Variants in CPQ observed in about 807,000 individuals in gnomAD.
The protein encoded by CPQ is carboxypeptidase Q.
A neutral mutation model predicts 45.7 loss-of-function variants in CPQ; 37 were observed. The observed-to-expected ratio is 0.81, with a 90% confidence interval of 0.62 to 1.07. CPQ has a LOEUF of 1.07. CPQ is among the 50% of genes least tolerant of loss of function. CPQ has a pLI of 0.00. For missense variants in CPQ, 537 were observed against 572.9 expected (o/e 0.94, Z 0.64); for synonymous variants, 186 against 205.8 (o/e 0.90, Z 0.82).
At chr8:96,717,831 G>A (rs1042526491) in intron 1 of CPQ, among the ~76,000 whole-genome samples, 1 of 150,692 alleles carries the variant, frequency 6.6e-6, no homozygotes, top group African/African-American at 2.4e-5. Context: ...TTCTCTAGCT[G>A]CTGGGGTAAT....
chr8:96,687,820 A>G (rs1438196434), intron 1 of CPQ, among the ~76,000 whole-genome samples: 1 of 152,058 alleles, frequency 6.6e-6, no homozygotes, highest in African/African-American at 2.4e-5. Flanking sequence ...GTTTTATTAC[A>G]TTATGAGCAC....
At chr8:96,648,936 T>C (rs1815548005) in intron 1 of CPQ, among the ~76,000 whole-genome samples, 2 of 152,198 alleles carry the variant, frequency 1.3e-5, no homozygotes, top group Non-Finnish European at 2.9e-5. Context: ...GAATGTCATG[T>C]TATTTAAACT....
chr8:96,881,890 CT>C (rs1812228624), intron 4 of CPQ, among the ~76,000 whole-genome samples: 1 of 152,146 alleles, frequency 6.6e-6, no homozygotes, highest in South Asian at 2.1e-4. Context: ...GCAATAAACA[CT>C]TTTTATAAGG....
chr8:96,933,982 C>A (rs1813012116), intron 4 of CPQ, among the ~76,000 whole-genome samples: 1 of 152,176 alleles, frequency 6.6e-6, no homozygotes, highest in Non-Finnish European at 1.5e-5. Context: ...AAAATGTTCA[C>A]AAGGAACCTA....
intron 5 of CPQ, among the ~76,000 whole-genome samples, chr8:96,997,935 A>C (rs1809204551): frequency 6.6e-6 from 1 of 152,012 alleles, no homozygotes; most frequent in Non-Finnish European, 1.5e-5. Flanking sequence ...CTTTTAAAAA[A>C]TTCAGCATTT....
chr8:96,767,986 A>G (rs1810491249), intron 1 of CPQ, among the ~76,000 whole-genome samples: 1 of 152,018 alleles, frequency 6.6e-6, no homozygotes, highest in East Asian at 1.9e-4. Context: ...TCTCACCTCC[A>G]GCCTGGGATG....
intron 7 of CPQ, among the ~76,000 whole-genome samples, chr8:97,139,493 C>CA (rs1431259490): frequency 6.6e-6 from 1 of 152,040 alleles, no homozygotes; most frequent in Non-Finnish European, 1.5e-5. Context: ...GCATCACATA[C>CA]TAGGCCATAG....
intron 6 of CPQ, among the ~76,000 whole-genome samples, chr8:97,053,464 AGAGGAGAGCCACGTGGATACCTG>A (rs1810398200): frequency 6.6e-6 from 1 of 152,172 alleles, no homozygotes; most frequent in African/African-American, 2.4e-5. Flanking sequence ...GAAAGGATGA[AGAGGAGAGCCACGTGGATACCTG>A]GAGGAGAGCA....
chr8:96,756,222 T>C (rs139525077), intron 1 of CPQ, among the ~76,000 whole-genome samples: 245 of 152,222 alleles, frequency 1.6e-3, no homozygotes, highest in South Asian at 3.1e-3. Flanking sequence ...ACTTTTGTAA[T>C]TTTTAAAAAT....
intron 7 of CPQ, among the ~76,000 whole-genome samples, chr8:97,114,573 G>A (rs865775113): frequency 6.6e-6 from 1 of 152,132 alleles, no homozygotes; most frequent in Non-Finnish European, 1.5e-5. Context: ...GAGATCTGAT[G>A]TATTTCTTCA....
At chr8:96,964,262 T>C (rs901371831) in intron 4 of CPQ, among the ~76,000 whole-genome samples, 4 of 150,726 alleles carry the variant, frequency 2.7e-5, no homozygotes, top group Non-Finnish European at 5.9e-5. Context: ...TGGGTCATAG[T>C]TTTGTGTATG....
At chr8:96,730,545 C>T (rs1243590453) in intron 1 of CPQ, among the ~76,000 whole-genome samples, 2 of 152,006 alleles carry the variant, frequency 1.3e-5, no homozygotes, top group African/African-American at 4.8e-5. Flanking sequence ...GGGGCCAGCT[C>T]ATCTCTTTTC....
At chr8:96,886,600 AT>A (rs1812310220) in intron 4 of CPQ, among the ~76,000 whole-genome samples, 2 of 152,178 alleles carry the variant, frequency 1.3e-5, no homozygotes, top group Non-Finnish European at 2.9e-5. Flanking sequence ...TGACTTTCAG[AT>A]TAGGAAAATT....
intron 4 of CPQ, among the ~76,000 whole-genome samples, chr8:96,931,920 G>A (rs751469078): frequency 2.0e-4 from 30 of 151,896 alleles, no homozygotes; most frequent in Non-Finnish European, 2.8e-4. Context: ...AGATCCCTCT[G>A]GACTATTTCC....
chr8:96,804,906 A>T (rs2130824883), intron 2 of CPQ, among the ~76,000 whole-genome samples: 1 of 152,198 alleles, frequency 6.6e-6, no homozygotes, highest in African/African-American at 2.4e-5. Context: ...ACCATAAAAC[A>T]TTTAGTGCTT....
chr8:97,103,354 A>G (rs771706916), intron 7 of CPQ, among the ~76,000 whole-genome samples: 7 of 152,214 alleles, frequency 4.6e-5, no homozygotes, highest in Non-Finnish European at 8.8e-5. Flanking sequence ...GTGACTGTGA[A>G]CCTTGAGGCC....
At chr8:96,793,644 T>G (rs1416654697) in intron 2 of CPQ, among the ~76,000 whole-genome samples, 1 of 152,202 alleles carries the variant, frequency 6.6e-6, no homozygotes, top group African/African-American at 2.4e-5. Flanking sequence ...TGCCAAAATC[T>G]TAACTCATTT....
intron 1 of CPQ, among the ~76,000 whole-genome samples, chr8:96,695,322 A>G (rs1196394071): frequency 6.9e-6 from 1 of 144,502 alleles, no homozygotes; most frequent in Non-Finnish European, 1.5e-5. Flanking sequence ...CGTTAGACCT[A>G]AAACCATAAA....
chr8:96,894,788 G>A (rs1812422126), intron 4 of CPQ, among the ~76,000 whole-genome samples: 1 of 152,166 alleles, frequency 6.6e-6, no homozygotes, highest in Admixed American at 6.6e-5. Flanking sequence ...CACTAGAACT[G>A]TCTGGTTCCA....
Sources: gnomAD v4.1 joint callset for allele counts (sites outside exome capture counted in the v4.1 genomes callset) on GRCh38, gnomAD v4.1.1 for gene constraint, MANE v1.5 for transcripts, NCBI Gene and HGNC (gene_info 2026-07-23, HGNC 2026-07-21) for gene names.